ZNF774: variants seen among roughly 807,000 people sequenced by gnomAD.
ZNF774 encodes the protein zinc finger protein 774.
Under a neutral mutation model 11.1 loss-of-function variants are expected in ZNF774, and 14 were observed. The ratio of observed to expected loss-of-function variants is 1.26; its 90% CI spans 0.83 to 1.97. The LOEUF is 1.97. Ranked by LOEUF, ZNF774 falls within the 30% of genes most tolerant of loss-of-function variation. The probability of loss-of-function intolerance (pLI) is 0.00; values close to 1 mark genes in which losing one functional copy is unlikely to be tolerated. For synonymous variants in ZNF774, 195 were observed against 212.6 expected (o/e 0.92, Z 0.72); for missense variants, 599 against 587.0 (o/e 1.02, Z -0.21).
Position 90,362,622 on chromosome 15 carries a change from A to G in ZNF774, c.*1339A>G. 6.6e-7 allele frequency: 1 copy of G among 1,515,456 alleles called. No individual in the cohort carries two copies. The highest frequency in any genetic ancestry group is 2.5e-5 in the East Asian group (1 of 40,814). The allele number at this position is 1,515,456 out of a possible 1,614,324, so 93.9% of individuals were successfully genotyped here. ...AGGGACGGCAAGTGTGTTGGAAAGAACACCGACTTCATTGAGAAGGTAAAG... is the reference window on the plus strand; with the variant it reads ...AGGGACGGCAAGTGTGTTGGAAAGAGCACCGACTTCATTGAGAAGGTAAAG... On this transcript the variant is annotated 3_prime_UTR_variant, in exon 4 of 4. Transcript: ENST00000354377.
At chr15:90,355,736 A>C (rs1275854944) in intron 2 of ZNF774, among the ~76,000 whole-genome samples, 1 of 145,100 alleles carries the variant, frequency 6.9e-6, no homozygotes, top group Non-Finnish European at 1.5e-5. Context: ...AAAAAAAAAA[A>C]AAAAAAAAAC....
At chr15:90,355,201 G>A (rs946125229) in intron 2 of ZNF774, 1 of 433,876 alleles carries the variant, frequency 2.3e-6, no homozygotes, top group African/African-American at 2.0e-5. Context: ...TAGAGCTCCA[G>A]ACCTCTGTAA....
Position 90,362,580 on chromosome 15 carries a change from T to C in ZNF774, c.*1297T>C, listed in dbSNP as rs1375439103. 5.4e-5 allele frequency: 83 copies of C among 1,535,658 alleles called. No individual in the cohort carries two copies. Among genetic ancestry groups the C allele is most frequent in the Admixed American group, 1.2e-4 (6 of 50,974 alleles). Reference sequence around the variant, plus strand: ...GTTATGCACTAGTACATTCCTACATTCAATTGAAATAAATTGAGGGACGGC... The same window carrying C: ...GTTATGCACTAGTACATTCCTACATCCAATTGAAATAAATTGAGGGACGGC... On this transcript the variant is annotated 3_prime_UTR_variant, in exon 4 of 4. Transcript: ENST00000354377.
At chr15:90,352,985 TA>T (rs1323121771) in intron 1 of ZNF774, among the ~76,000 whole-genome samples, 7 of 151,984 alleles carry the variant, frequency 4.6e-5, no homozygotes, top group African/African-American at 9.7e-5. Context: ...TTTTTTTTTT[TA>T]GACGGAATTT....
chr15:90,356,557 A>G lies in ZNF774; in HGVS notation c.104+1793A>G, dbSNP rs1054266003. Among the ~76,000 whole-genome samples, 2 of 152,186 alleles carry G rather than the reference A, an allele frequency of 1.3e-5. 1 individual carries two copies. Among genetic ancestry groups the G allele is most frequent in the Admixed American group, 1.3e-4 (2 of 15,274 alleles). On this transcript the variant is annotated intron_variant, in intron 2 of 3. Coordinates refer to ENST00000354377, the MANE Select transcript of ZNF774 (RefSeq NM_001004309.3). ...CAATAAAAAGTCAAGCAAAATGAAA[A>G]CAAACATCATCCCTAATCCCACCAA...
chr15:90,360,419 C>G lies in ZNF774; in HGVS notation c.588C>G (p.Thr196=). The part of the protein sequence containing the change: ...KGFKQSSDLV[T]HRRTHTGEKP... ...TCAAACAGAGCTCAGACCTTGTCAC[C>G]CATCGCAGAACACACACAGGAGAGA... is the stretch of plus-strand genomic sequence containing the variant. Residue 196 remains threonine, a synonymous_variant, in exon 4 of 4, where the codon ACC becomes ACG. Coordinates refer to ENST00000354377, the MANE Select transcript of ZNF774 (RefSeq NM_001004309.3). The G allele has an allele frequency of 6.2e-7, 1 of 1,613,030 alleles. No individual in the cohort carries two copies. Among genetic ancestry groups the G allele is most frequent in the South Asian group, 1.1e-5 (1 of 91,050 alleles).
chr15:90,361,320 T>G lies in ZNF774; in HGVS notation c.*37T>G. The G allele has an allele frequency of 6.5e-7, 1 of 1,541,044 alleles. No homozygotes were observed. Among genetic ancestry groups the G allele is most frequent in the Non-Finnish European group, 8.7e-7 (1 of 1,147,010 alleles). On this transcript the variant is annotated 3_prime_UTR_variant, in exon 4 of 4. Coordinates refer to ENST00000354377, the MANE Select transcript of ZNF774 (RefSeq NM_001004309.3). ...TGGTGTTCAGCTGCTCCCTTGCACATTTTCATTGCTACTGTCTTCAAGCAC... is the reference window on the plus strand; with the variant it reads ...TGGTGTTCAGCTGCTCCCTTGCACAGTTTCATTGCTACTGTCTTCAAGCAC...
At chr15:90,355,779 C>T (rs1246946862) in intron 2 of ZNF774, among the ~76,000 whole-genome samples, 1 of 147,652 alleles carries the variant, frequency 6.8e-6, no homozygotes, top group Non-Finnish European at 1.5e-5. Context: ...GCCTGTAATC[C>T]CAGCACTTTG....
chr15:90,354,566 G>T (rs1388987760), intron 1 of ZNF774, 76 bp from the exon 2 acceptor site: 4 of 924,132 alleles, frequency 4.3e-6, no homozygotes, highest in Admixed American at 2.3e-5. Flanking sequence ...GTACACTGGT[G>T]GCCATTTTTT....
intron 2 of ZNF774, 53 bp from the exon 3 acceptor site, chr15:90,358,798 A>G: frequency 2.7e-6 from 4 of 1,508,664 alleles, no homozygotes; most frequent in Middle Eastern, 1.7e-4. Flanking sequence ...GATTTTGCTC[A>G]GGCCTTGTGT....
intron 1 of ZNF774, among the ~76,000 whole-genome samples, chr15:90,354,264 T>A (rs904098947): frequency 6.6e-6 from 1 of 152,202 alleles, no homozygotes; most frequent in African/African-American, 2.4e-5. Context: ...ATTTCCTTGC[T>A]TGCTGAGGAA....
At position 90,361,215 on chromosome 15, in the gene ZNF774, A is replaced by G. The variant is rs774725407; in HGVS notation, c.1384A>G (p.Ser462Gly). 2 of 1,613,312 alleles carry G rather than the reference A, an allele frequency of 1.2e-6. No homozygotes were observed. Among genetic ancestry groups the G allele is most frequent in the Admixed American group, 1.7e-5 (1 of 59,710 alleles). ...THTGEKPFHC[S>G]KCNKSFRQKA... The stretch of plus-strand genomic sequence containing the variant: ...TACAGGAGAAAAACCTTTCCACTGT[A>G]GTAAATGTAACAAGAGCTTCCGTCA... Residue 462 changes from serine (S) to glycine (G), a missense_variant, in exon 4 of 4, where the codon AGT (serine) becomes GGT (glycine). By Grantham distance (56) the Ser-to-Gly change is moderately conservative (BLOSUM62 0). Transcript: ENST00000354377.
chr15:90,356,113 T>G (rs1453930849), intron 2 of ZNF774, among the ~76,000 whole-genome samples: 1 of 131,210 alleles, frequency 7.6e-6, no homozygotes, highest in Non-Finnish European at 1.6e-5. Flanking sequence ...CCTGCTTTAC[T>G]TCTTTCTTTC....
rs1008303127 is a variant in ZNF774, at chr15:90,361,536, G to T, written c.*253G>T. On this transcript the variant is annotated 3_prime_UTR_variant, in exon 4 of 4. Transcript: ENST00000354377. The stretch of plus-strand genomic sequence containing the variant: ...GAGTTTAATAGTTGATGCCCGCCAG[G>T]CGTGGTGGCTCACCCCTGTAATCCC... 32 of 1,199,514 alleles carry T rather than the reference G, an allele frequency of 2.7e-5. No individual in the cohort carries two copies. The highest frequency in any genetic ancestry group is 4.6e-5 in the African/African-American group (3 of 64,834). The allele number at this position is 1,199,514 out of a possible 1,614,324, so 74.3% of individuals were successfully genotyped here.
In ZNF774 at chr15:90,354,625, G is replaced by A; in HGVS notation, c.-19-17G>A. ...ATCTAGGGAGCTACTGATGCACATT[G>A]AGGTCTCTTGCTTTAGGAACTGATG... On this transcript the variant is annotated splice_polypyrimidine_tract_variant and intron_variant, in intron 1 of 3. Transcript: ENST00000354377. The A allele has an allele frequency of 6.6e-7, 1 of 1,505,516 alleles. No individual in the cohort carries two copies. The highest frequency in any genetic ancestry group is 9.1e-7 in the Non-Finnish European group (1 of 1,094,726). 93.3% of individuals were successfully genotyped at this position (1,505,516 alleles called of 1,614,324 possible). A position where few individuals can be genotyped will look rare whatever the true frequency, so the allele number is the denominator to read the frequency against.
chr15:90,355,294 C>T, intron 2 of ZNF774: 1 of 456,126 alleles, frequency 2.2e-6, no homozygotes, highest in Non-Finnish European at 4.4e-6. Flanking sequence ...TATTTATTGT[C>T]CTTTTAATAT....
At chr15:90,355,508 A>G in intron 2 of ZNF774, 1 of 447,988 alleles carries the variant, frequency 2.2e-6, no homozygotes. Context: ...GCGGATCATA[A>G]GGTCAGGAGT....
In ZNF774 at chr15:90,358,950, C is replaced by T. The variant is rs1467390059; in HGVS notation, c.204C>T (p.Ser68=). The change falls in exon 3 of 4, where the codon AGC becomes AGT. Residue 68 remains serine, a synonymous_variant. Coordinates refer to ENST00000354377, the MANE Select transcript of ZNF774 (RefSeq NM_001004309.3). ...NFEARKIPRE[S]HTDCEHQVAK... The stretch of plus-strand genomic sequence containing the variant: ...AGGCGAGGAAGATCCCGAGGGAAAG[C>T]CACACAGGTGAGATGTGAGTGCTCC... 1.9e-6 allele frequency: 3 copies of T among 1,613,100 alleles called. No homozygotes were observed. The highest frequency in any genetic ancestry group is 3.3e-5 in the Admixed American group (2 of 59,990).
chr15:90,357,946 A>C (rs1336009693), intron 2 of ZNF774, among the ~76,000 whole-genome samples: 2 of 144,982 alleles, frequency 1.4e-5, no homozygotes, highest in Admixed American at 7.3e-5. Context: ...TCCAGGCTGG[A>C]GTGCAGTGGT....
Sources: allele counts gnomAD v4.1 joint callset (sites outside exome capture counted in the v4.1 genomes callset), GRCh38; gene constraint gnomAD v4.1.1; transcripts MANE v1.5; gene names NCBI Gene and HGNC (gene_info 2026-07-23, HGNC 2026-07-21).